SYNJ1: variants seen among roughly 807,000 people sequenced by gnomAD.
SYNJ1 encodes the protein polyphosphatidylinositol phosphatase SYNJ1.
In SYNJ1, 78 loss-of-function variants were observed where a neutral mutation model predicts 168.2. The ratio of observed to expected loss-of-function variants is 0.46; its 90% CI spans 0.39 to 0.56. The LOEUF is 0.56. Ranked by LOEUF, SYNJ1 falls within the 20% of genes least tolerant of loss-of-function variation. The pLI is 0.00. For synonymous variants in SYNJ1, 539 were observed against 548.6 expected, an observed-to-expected ratio of 0.98 and a Z score of 0.24; for missense variants, 1,303 against 1,597.6, an observed-to-expected ratio of 0.82 and a Z score of 3.14.
intron 31 of SYNJ1, among the ~76,000 whole-genome samples, chr21:32,636,837 G>C (rs111279636): frequency 2.0e-5 from 3 of 151,930 alleles, no homozygotes; most frequent in African/African-American, 7.3e-5. Flanking sequence ...ATATTAAGGA[G>C]TTTGATATCA....
intron 11 of SYNJ1, among the ~76,000 whole-genome samples, chr21:32,680,740 C>T (rs532184477): frequency 1.5e-4 from 23 of 152,114 alleles, no homozygotes; most frequent in East Asian, 3.9e-4. Context: ...CTCAAACTCC[C>T]GAGTAGCTGG....
In SYNJ1 at chr21:32,631,253, C is replaced by G. The variant is rs146425050; in HGVS notation, c.*552G>C. On this transcript the variant is annotated 3_prime_UTR_variant, in exon 33 of 33. Transcript: ENST00000674351. ...TTGACTTCCCTTTCACACCAAAATC[C>G]TCTTCTTCCTCGAAGGTTACCCATC... is the stretch of plus-strand genomic sequence containing the variant. The G allele has an allele frequency of 1.9e-6, 3 of 1,614,096 alleles. No individual in the cohort carries two copies. The highest frequency in any genetic ancestry group is 2.7e-5 in the African/African-American group (2 of 74,932).
intron 2 of SYNJ1, among the ~76,000 whole-genome samples, chr21:32,706,866 A>G (rs1212177033): frequency 6.6e-6 from 1 of 152,324 alleles, no homozygotes; most frequent in Non-Finnish European, 1.5e-5. Flanking sequence ...ATCTTCTACT[A>G]TAAAGAGATT....
intron 27 of SYNJ1, among the ~76,000 whole-genome samples, chr21:32,642,437 A>G (rs969178128): frequency 1.3e-5 from 2 of 150,500 alleles, no homozygotes; most frequent in African/African-American, 4.9e-5. Context: ...TCTCTCGTGA[A>G]CCTTGAAAAC....
At chr21:32,632,265 A>G (rs1327105129) in intron 32 of SYNJ1, among the ~76,000 whole-genome samples, 1 of 152,218 alleles carries the variant, frequency 6.6e-6, no homozygotes, top group Non-Finnish European at 1.5e-5. Flanking sequence ...TAATGTTACT[A>G]TGGAAATTCA....
chr21:32,716,351 T>C (rs1382029776), intron 2 of SYNJ1, among the ~76,000 whole-genome samples: 2 of 152,244 alleles, frequency 1.3e-5, no homozygotes, highest in African/African-American at 4.8e-5. Flanking sequence ...CTAGTCATTA[T>C]AATTAGCTCA....
chr21:32,637,533 T>C (rs181794989), intron 31 of SYNJ1, among the ~76,000 whole-genome samples: 227 of 151,606 alleles, frequency 1.5e-3, no homozygotes, highest in African/African-American at 4.9e-3. Flanking sequence ...CTCAGCCTCC[T>C]GAGTAGCTGG....
At position 32,640,043 on chromosome 21, in the gene SYNJ1, A is replaced by G. The variant is rs79525135; in HGVS notation, c.3589-264T>C. Among the ~76,000 whole-genome samples the G allele has an allele frequency of 4.1e-3, 624 of 152,328 alleles. 3 individuals carry two copies. Among genetic ancestry groups the G allele is most frequent in the African/African-American group, 0.014 (585 of 41,562 alleles). Reference sequence around the variant, plus strand: ...CCATTTCATCTTCAAAATATCCCTCAGAAGTAGGTATTATTTTATCATCTC... The same window carrying G: ...CCATTTCATCTTCAAAATATCCCTCGGAAGTAGGTATTATTTTATCATCTC... On this transcript the variant is annotated intron_variant, in intron 29 of 32. Transcript: ENST00000674351.
intron 21 of SYNJ1, chr21:32,653,571 T>C: frequency 2.0e-6 from 1 of 502,888 alleles, no homozygotes; most frequent in Non-Finnish European, 3.6e-6. Context: ...AAATACTATG[T>C]TAATGGAACA....
At chr21:32,719,264 T>G (rs1051175127) in intron 2 of SYNJ1, among the ~76,000 whole-genome samples, 1 of 152,220 alleles carries the variant, frequency 6.6e-6, no homozygotes, top group Admixed American at 6.5e-5. Context: ...TAACCTGAGG[T>G]GCTTGAGTTG....
At chr21:32,718,746 G>A (rs1202030407) in intron 2 of SYNJ1, among the ~76,000 whole-genome samples, 1 of 151,334 alleles carries the variant, frequency 6.6e-6, no homozygotes. Context: ...CATTTAACTT[G>A]GCCCAGGAAA....
intron 23 of SYNJ1, among the ~76,000 whole-genome samples, chr21:32,646,814 G>GC (rs1406601255): frequency 1.3e-5 from 2 of 152,192 alleles, no homozygotes; most frequent in African/African-American, 4.8e-5. Flanking sequence ...TTGTCTCTGA[G>GC]CAATAAGATG....
At chr21:32,658,634 T>G (rs2040556827) in intron 18 of SYNJ1, 1 of 152,340 alleles carries the variant, frequency 6.6e-6, no homozygotes, top group Non-Finnish European at 1.5e-5. Flanking sequence ...TAACACTTTC[T>G]GTGGGGCTTC....
In SYNJ1 at chr21:32,639,818, C is replaced by T. The variant is rs535105658; in HGVS notation, c.3589-39G>A. ...ACATAACACTTGAGACATTTACTTACCTTCCACAGGTAAAATTCTGTGAAA... is the reference window on the plus strand; with the variant it reads ...ACATAACACTTGAGACATTTACTTATCTTCCACAGGTAAAATTCTGTGAAA... On this transcript the variant is annotated intron_variant, in intron 29 of 32. Coordinates refer to ENST00000674351, the MANE Select transcript of SYNJ1 (RefSeq NM_203446.3). 17 of 1,533,592 alleles carry T rather than the reference C, an allele frequency of 1.1e-5. No homozygotes were observed. In the Admixed American group the frequency reaches 1.7e-4, roughly 15 times the overall value. The allele number at this position is 1,533,592 out of a possible 1,614,324, so 95.0% of individuals were successfully genotyped here.
At chr21:32,632,795 G>A (rs1303887104) in intron 32 of SYNJ1, among the ~76,000 whole-genome samples, 1 of 152,142 alleles carries the variant, frequency 6.6e-6, no homozygotes, top group Admixed American at 6.5e-5. Flanking sequence ...TGAGGCAGGT[G>A]GATCACCTGA....
At chr21:32,721,543 G>C (rs930308716) in intron 2 of SYNJ1, among the ~76,000 whole-genome samples, 1 of 151,916 alleles carries the variant, frequency 6.6e-6, no homozygotes, top group African/African-American at 2.4e-5. Context: ...GCTAGGTGTG[G>C]TGGGGGGCGC....
Position 32,681,591 on chromosome 21 carries a change from G to T in SYNJ1, c.1258C>A (p.Arg420Ser). 1 of 1,613,824 alleles carries T rather than the reference G, an allele frequency of 6.2e-7. No homozygotes were observed. The change falls in exon 11 of 33, where the codon CGC (arginine) becomes AGC (serine). Residue 420 changes from arginine to serine, a missense_variant. By Grantham distance (110) the Arg-to-Ser change is moderately radical. Around this residue, in one of 2 missense-constraint regions of SYNJ1, gnomAD observed 920 missense variants for 1,208.8 expected, o/e 0.76. Coordinates refer to ENST00000674351, the MANE Select transcript of SYNJ1 (RefSeq NM_203446.3). Reference sequence around the variant, plus strand: ...ATTGACCGAAAAACTTCTTGAAAGCGAGTCACCAACTGAGGCTTTTCAGCT... The same window carrying T: ...ATTGACCGAAAAACTTCTTGAAAGCTAGTCACCAACTGAGGCTTTTCAGCT... ...GLAEKPQLVTRFQEVFRSMWS... is the reference protein window; with the variant it reads ...GLAEKPQLVTSFQEVFRSMWS...
chr21:32,656,954 A>C (rs1311244704), intron 20 of SYNJ1, 49 bp downstream of exon 20: 2 of 1,610,710 alleles, frequency 1.2e-6, no homozygotes, highest in Non-Finnish European at 1.7e-6. Flanking sequence ...AAAAGGGTGT[A>C]TTTCAAACAA....
chr21:32,724,985 A>G (rs1358898813), intron 2 of SYNJ1, among the ~76,000 whole-genome samples: 1 of 152,214 alleles, frequency 6.6e-6, no homozygotes, highest in East Asian at 1.9e-4. Context: ...CATTAATGCC[A>G]AAATAAATGT....
Sources: allele counts gnomAD v4.1 joint callset (sites outside exome capture counted in the v4.1 genomes callset), GRCh38; gene constraint gnomAD v4.1.1; regional missense constraint gnomAD v4.1.1; transcripts MANE v1.5; gene names NCBI Gene and HGNC (gene_info 2026-07-23, HGNC 2026-07-21).